RBFOX1: variants seen among roughly 807,000 people sequenced by gnomAD.
The protein encoded by RBFOX1 is RNA binding protein fox-1 homolog 1.
RBFOX1 carries 8 observed loss-of-function variants against 57.7 expected under a neutral mutation model. The ratio of observed to expected loss-of-function variants is 0.14; its 90% CI spans 0.08 to 0.25. RBFOX1 has a LOEUF of 0.25. Among genes scored for constraint, RBFOX1 ranks in the 10% least tolerant of loss-of-function variants. RBFOX1 has a pLI of 1.00. For synonymous variants in RBFOX1, 326 were observed against 222.4 expected (o/e 1.47, Z -4.15); for missense variants, 611 against 548.5 (o/e 1.11, Z -1.14).
intron 4 of RBFOX1, among the ~76,000 whole-genome samples, chr16:7,389,171 G>C (rs866270690): frequency 3.3e-5 from 5 of 152,042 alleles, no homozygotes; most frequent in African/African-American, 1.2e-4. Flanking sequence ...TGTCACCCAG[G>C]CTGGAATGCA....
intron 2 of RBFOX1, among the ~76,000 whole-genome samples, chr16:6,482,230 A>C (rs2095382361): frequency 6.6e-6 from 1 of 152,224 alleles, no homozygotes; most frequent in African/African-American, 2.4e-5. Context: ...ATGTATATTA[A>C]ATTTTATTTC....
chr16:5,619,854 G>A (rs998246039), intron 3 of RBFOX1, among the ~76,000 whole-genome samples: 5 of 152,192 alleles, frequency 3.3e-5, no homozygotes, highest in South Asian at 2.1e-4. Flanking sequence ...GGGGACATGG[G>A]GGCTCACTTC....
chr16:7,317,062 T>G (rs143104565), intron 4 of RBFOX1, among the ~76,000 whole-genome samples: 1 of 152,070 alleles, frequency 6.6e-6, no homozygotes, highest in East Asian at 1.9e-4. Flanking sequence ...AAGGCCAGTT[T>G]GGCTTTTCTG....
chr16:5,736,575 G>T lies in RBFOX1; in HGVS notation c.319-130728G>T, dbSNP rs187745040. Among the ~76,000 whole-genome samples the T allele has an allele frequency of 3.3e-5, 5 of 152,204 alleles. No homozygotes were observed. The East Asian group carries it at 9.7e-4, about 30-fold the overall frequency. The stretch of plus-strand genomic sequence containing the variant: ...GGGCCCGGATCGGGGTCATTTGAAA[G>T]CCCTGTGAAGAGTTGAACATGAAGT... On this transcript the variant is annotated intron_variant, in intron 3 of 19. Coordinates refer to the RBFOX1 transcript ENST00000641259.
rs151120061 is a variant in RBFOX1, at chr16:7,192,273, A to G, written c.27+140175A>G. ...CTGTTGATGTTTTGTGCAAGGAGAGAGAGTTTCCTTGTGAATCTGACGTTA... is the reference window on the plus strand; with the variant it reads ...CTGTTGATGTTTTGTGCAAGGAGAGGGAGTTTCCTTGTGAATCTGACGTTA... On this transcript the variant is annotated intron_variant, in intron 4 of 15. Coordinates refer to ENST00000550418, the MANE Select transcript of RBFOX1 (RefSeq NM_018723.4). Among the ~76,000 whole-genome samples the G allele has an allele frequency of 2.6e-3, 392 of 152,266 alleles. 1 individual carries two copies. The highest frequency in any genetic ancestry group is 8.9e-3 in the African/African-American group (368 of 41,540).
At chr16:7,113,114 A>G (rs945438197) in intron 4 of RBFOX1, among the ~76,000 whole-genome samples, 2 of 152,170 alleles carry the variant, frequency 1.3e-5, no homozygotes, top group Non-Finnish European at 2.9e-5. Context: ...ACCACGGTCA[A>G]TTCAAGTTTG....
chr16:6,288,732 A>G (rs1344473), intron 1 of RBFOX1, among the ~76,000 whole-genome samples: 148,572 of 152,202 alleles, frequency 0.98, 72,625 homozygotes, highest in East Asian at 1. Context: ...CAGCTGAAGC[A>G]AGGTCTTAGG....
chr16:6,407,059 C>T (rs1215142230), intron 2 of RBFOX1, among the ~76,000 whole-genome samples: 2 of 152,140 alleles, frequency 1.3e-5, no homozygotes, highest in Non-Finnish European at 2.9e-5. Context: ...TTCACAACAA[C>T]ATGGTGTTAC....
chr16:7,632,378 T>G (rs2061116937), intron 11 of RBFOX1, among the ~76,000 whole-genome samples: 1 of 152,216 alleles, frequency 6.6e-6, no homozygotes, highest in Admixed American at 6.5e-5. Context: ...TGTGTGCATG[T>G]ATCTCCTGAA....
chr16:7,596,057 C>T (rs2094672821), intron 8 of RBFOX1, among the ~76,000 whole-genome samples: 2 of 149,584 alleles, frequency 1.3e-5, no homozygotes, highest in African/African-American at 4.9e-5. Flanking sequence ...GCAAATTAAA[C>T]CAAATTGGGA....
At chr16:6,942,935 G>C (rs1234913998) in intron 3 of RBFOX1, among the ~76,000 whole-genome samples, 2 of 152,194 alleles carry the variant, frequency 1.3e-5, no homozygotes, top group Non-Finnish European at 1.5e-5. Context: ...TCGCATTGGA[G>C]ATTCGACATC....
chr16:7,391,668 T>C (rs542673396), intron 4 of RBFOX1, among the ~76,000 whole-genome samples: 1 of 152,366 alleles, frequency 6.6e-6, no homozygotes, highest in African/African-American at 2.4e-5. Context: ...TGGTTTATGA[T>C]ACTCTTCCCC....
chr16:7,113,573 G>C lies in RBFOX1; in HGVS notation c.27+61475G>C, dbSNP rs112591470. 1.1e-3 allele frequency among the ~76,000 whole-genome samples: 165 copies of C among 152,210 alleles called. 2 individuals are homozygous for C. The highest frequency in any genetic ancestry group is 0.01 in the Middle Eastern group (3 of 294). Reference sequence around the variant, plus strand: ...ATGCAATTATGCACCCGCACCATTGGAGCCACATGATGAATGTATGCAAAT... The same window carrying C: ...ATGCAATTATGCACCCGCACCATTGCAGCCACATGATGAATGTATGCAAAT... On this transcript the variant is annotated intron_variant, in intron 4 of 15. Coordinates refer to ENST00000550418, the MANE Select transcript of RBFOX1 (RefSeq NM_018723.4).
chr16:7,339,136 G>A (rs746973953), intron 4 of RBFOX1, among the ~76,000 whole-genome samples: 1 of 152,176 alleles, frequency 6.6e-6, no homozygotes, highest in African/African-American at 2.4e-5. Flanking sequence ...CCTGTGGCCT[G>A]AGGCTTGTCA....
At chr16:7,332,890 A>G in intron 4 of RBFOX1, 1 of 1,567,504 alleles carries the variant, frequency 6.4e-7, no homozygotes, top group Non-Finnish European at 8.6e-7. Context: ...CTCCTGACAG[A>G]AGGGATTTGG....
chr16:7,361,400 A>G (rs1455642118), intron 4 of RBFOX1, among the ~76,000 whole-genome samples: 2 of 152,218 alleles, frequency 1.3e-5, no homozygotes, highest in South Asian at 2.1e-4. Context: ...TTTTGCATCA[A>G]AGAACGAGGC....
intron 2 of RBFOX1, among the ~76,000 whole-genome samples, chr16:6,335,594 A>G (rs1013524551): frequency 1.3e-5 from 2 of 151,970 alleles, no homozygotes; most frequent in Non-Finnish European, 2.9e-5. Context: ...CCTGGCCAAC[A>G]TGGTGAAACC....
intron 4 of RBFOX1, among the ~76,000 whole-genome samples, chr16:7,505,117 G>T (rs1457839368): frequency 3.3e-5 from 5 of 151,436 alleles, no homozygotes; most frequent in Non-Finnish European, 5.9e-5. Context: ...AAAATGAAGA[G>T]ACTAGCTTGG....
At chr16:5,261,506 G>T (rs2062730910) in intron 1 of RBFOX1, among the ~76,000 whole-genome samples, 1 of 149,338 alleles carries the variant, frequency 6.7e-6, no homozygotes, top group Non-Finnish European at 1.5e-5. Context: ...GTTTTCCTTA[G>T]AAATTATAGG....
Sources: allele counts gnomAD v4.1 joint callset (sites outside exome capture counted in the v4.1 genomes callset), GRCh38; gene constraint gnomAD v4.1.1; transcripts MANE v1.5; gene names NCBI Gene and HGNC (gene_info 2026-07-23, HGNC 2026-07-21).